Variants in NRDE2 observed in about 807,000 individuals in gnomAD.
NRDE2 encodes the protein NRDE-2, necessary for RNA interference, domain containing, also known as nuclear exosome regulator NRDE2.
NRDE2 carries 76 observed loss-of-function variants against 124.2 expected under a neutral mutation model. The observed-to-expected ratio is 0.61, with a 90% CI of 0.51 to 0.74. The LOEUF (loss-of-function observed/expected upper bound fraction) is 0.74, where lower values mean the gene tolerates loss of function less well. Ranked by LOEUF, NRDE2 falls within the 30% of genes least tolerant of loss-of-function variation. NRDE2 has a pLI of 0.00. For synonymous variants in NRDE2, 489 were observed against 528.1 expected, an observed-to-expected ratio of 0.93 and a Z score of 1.01; for missense variants, 1,314 against 1,417.3, an observed-to-expected ratio of 0.93 and a Z score of 1.17.
intron 8 of NRDE2, among the ~76,000 whole-genome samples, chr14:90,293,233 C>T (rs921603103): frequency 2.1e-5 from 3 of 142,724 alleles, no homozygotes; most frequent in African/African-American, 7.8e-5. Context: ...TGAGATGTAG[C>T]TAGTAAAGGA....
chr14:90,321,201 T>C (rs902118750), intron 1 of NRDE2, among the ~76,000 whole-genome samples: 1 of 152,208 alleles, frequency 6.6e-6, no homozygotes, highest in Non-Finnish European at 1.5e-5. Context: ...ATACAGTGTG[T>C]GACTCTTCAA....
At chr14:90,302,316 T>A (rs1884433160) in intron 6 of NRDE2, among the ~76,000 whole-genome samples, 2 of 152,186 alleles carry the variant, frequency 1.3e-5, no homozygotes, top group Admixed American at 1.3e-4. Context: ...GTTAACAGCA[T>A]AATAATACCC....
rs143419797 is a variant in NRDE2, at chr14:90,283,241, C to T, written c.3297+3113G>A. Among the ~76,000 whole-genome samples the T allele has an allele frequency of 6.7e-3, 1,020 of 152,298 alleles. 3 individuals carry two copies. The highest frequency in any genetic ancestry group is 0.014 in the Admixed American group (220 of 15,300). ...TCTCTGCTCTAATTAGTCCTTAGTTCCAATACTACCTTTCCAAAAAGAGAG... is the reference window on the plus strand; with the variant it reads ...TCTCTGCTCTAATTAGTCCTTAGTTTCAATACTACCTTTCCAAAAAGAGAG... On this transcript the variant is annotated intron_variant, in intron 12 of 13. Coordinates refer to ENST00000354366, the MANE Select transcript of NRDE2 (RefSeq NM_017970.4).
chr14:90,309,500 AC>A (rs1349277090), intron 4 of NRDE2, among the ~76,000 whole-genome samples: 1 of 150,612 alleles, frequency 6.6e-6, no homozygotes, highest in African/African-American at 2.4e-5. Context: ...AGAACCAAGA[AC>A]CCTACACTGT....
intron 6 of NRDE2, among the ~76,000 whole-genome samples, chr14:90,301,994 T>C (rs1884421686): frequency 6.6e-6 from 1 of 152,206 alleles, no homozygotes; most frequent in Non-Finnish European, 1.5e-5. Context: ...CCAACAGTAA[T>C]TAATACTCAA....
chr14:90,304,374 C>T lies in NRDE2; in HGVS notation c.566G>A (p.Arg189Lys). 6.3e-7 allele frequency: 1 copy of T among 1,594,832 alleles called. No homozygotes were observed. The highest frequency in any genetic ancestry group is 8.5e-7 in the Non-Finnish European group (1 of 1,171,924). Reference protein sequence around the residue: ...LYRGDIARYKRKGDSCLGINP... With the variant: ...LYRGDIARYKKKGDSCLGINP... ...AATGCCAAGGCAGGAGTCTCCTTTC[C>T]TCTTGTATCTGATATTAGAAAAAGA... Residue 189 changes from arginine (R) to lysine (K), a missense_variant, in exon 5 of 14, where the codon AGG becomes AAG. Transcript: ENST00000354366.
intron 8 of NRDE2, among the ~76,000 whole-genome samples, chr14:90,297,616 A>G (rs1010642765): frequency 6.6e-6 from 1 of 152,168 alleles, no homozygotes; most frequent in African/African-American, 2.4e-5. Flanking sequence ...CAGGATAACA[A>G]AAAGACTGTC....
At chr14:90,325,734 C>G (rs1205381549) in intron 1 of NRDE2, among the ~76,000 whole-genome samples, 3 of 152,100 alleles carry the variant, frequency 2.0e-5, no homozygotes, top group African/African-American at 7.2e-5. Context: ...GTCATGTTGC[C>G]CAGGCTGGTC....
chr14:90,328,605 C>T (rs73320605), intron 1 of NRDE2, among the ~76,000 whole-genome samples: 44,912 of 152,004 alleles, frequency 0.3, 6,724 homozygotes, highest in South Asian at 0.34. Flanking sequence ...AAACAGAGAA[C>T]GTTAGACAGG....
Position 90,269,142 on chromosome 14 carries a change from A to G in NRDE2, c.*9194T>C. The G allele has an allele frequency of 2.2e-6, 1 of 448,876 alleles. No homozygotes were observed. The allele number at this position is 448,876 out of a possible 1,614,324, so 27.8% of individuals were successfully genotyped here. ...GTATAAGGCTCTGCCTCATGCCTTTAGCCCTTTCCAAAAGGCCTCATCTCT... is the reference window on the plus strand; with the variant it reads ...GTATAAGGCTCTGCCTCATGCCTTTGGCCCTTTCCAAAAGGCCTCATCTCT... On this transcript the variant is annotated 3_prime_UTR_variant, in exon 14 of 14. Transcript: ENST00000354366.
chr14:90,286,489 T>A lies in NRDE2; in HGVS notation c.3162A>T (p.Leu1054Phe). 1 of 1,610,116 alleles carries A rather than the reference T, an allele frequency of 6.2e-7. No homozygotes were observed. The highest frequency in any genetic ancestry group is 8.5e-7 in the Non-Finnish European group (1 of 1,179,008). Residue 1054 changes from leucine to phenylalanine, a missense_variant, in exon 12 of 14, where the codon TTA (leucine) becomes TTT (phenylalanine). Coordinates refer to ENST00000354366, the MANE Select transcript of NRDE2 (RefSeq NM_017970.4). Reference protein sequence around the residue: ...RKRLVETVQRLDGREIHATIP... With the variant: ...RKRLVETVQRFDGREIHATIP... ...TTGTGGCGTGGATCTCTCTACCGTC[T>A]AACCTGCAAGGCAAAGGCTCACGTG... is the stretch of plus-strand genomic sequence containing the variant.
At chr14:90,306,169 C>T (rs1001283966) in intron 4 of NRDE2, among the ~76,000 whole-genome samples, 1 of 152,114 alleles carries the variant, frequency 6.6e-6, no homozygotes, top group African/African-American at 2.4e-5. Flanking sequence ...CTAATAAAAC[C>T]GGAAATGCCG....
chr14:90,288,806 T>G lies in NRDE2; in HGVS notation c.2569A>C (p.Ser857Arg). Residue 857 changes from serine (S) to arginine (R), a missense_variant, in exon 11 of 14, where the codon AGC (serine) becomes CGC (arginine). Transcript: ENST00000354366. The part of the protein sequence containing the change: ...VHILTKLTES[S>R]PYGPYTGQVL... ...TGTCCAGTGTAGGGCCCATAGGGGC[T>G]GCTCTCAGTCAGCTTGGTTAATATG... The G allele has an allele frequency of 1.2e-6, 2 of 1,614,138 alleles. No individual in the cohort carries two copies. Among genetic ancestry groups the G allele is most frequent in the Non-Finnish European group, 8.5e-7 (1 of 1,180,036 alleles).
chr14:90,292,903 C>A (rs1892312020), intron 8 of NRDE2, 31 bp from the exon 9 acceptor site: 1 of 1,594,978 alleles, frequency 6.3e-7, no homozygotes, highest in Non-Finnish European at 8.6e-7. Context: ...TTCACCTCAT[C>A]AGCAAATAAA....
In NRDE2 at chr14:90,301,272, G is replaced by A. The variant is rs1884390724; in HGVS notation, c.1512C>T (p.Pro504=). Residue 504 remains proline (P), a synonymous_variant, in exon 7 of 14, where the codon CCC becomes CCT. Coordinates refer to ENST00000354366, the MANE Select transcript of NRDE2 (RefSeq NM_017970.4). The part of the protein sequence containing the change: ...QAMVDFTFFK[P]DSVKDLPTKG... ...TGGTAGGCAGATCTTTCACGCTGTC[G>A]GGTTTGAAGAAGGTGAAGTCCACCA... 1.5e-5 allele frequency: 24 copies of A among 1,613,712 alleles called. No individual in the cohort carries two copies. Among genetic ancestry groups the A allele is most frequent in the East Asian group, 2.2e-5 (1 of 44,848 alleles).
At chr14:90,328,884 T>C (rs1885558664) in intron 1 of NRDE2, among the ~76,000 whole-genome samples, 2 of 152,212 alleles carry the variant, frequency 1.3e-5, no homozygotes, top group Non-Finnish European at 2.9e-5. Context: ...CTAAGGCATA[T>C]ATCCACAAAA....
chr14:90,301,197 A>G, intron 7 of NRDE2, 42 bp downstream of exon 7: 1 of 1,601,500 alleles, frequency 6.2e-7, no homozygotes, highest in Non-Finnish European at 8.5e-7. Flanking sequence ...CCTCCAGAGA[A>G]AGAGCCAGGA....
At chr14:90,289,193 C>T in intron 10 of NRDE2, 48 bp from the exon 11 acceptor site, 2 of 1,465,652 alleles carry the variant, frequency 1.4e-6, no homozygotes, top group Non-Finnish European at 1.9e-6. Context: ...GTAATTAAGG[C>T]GTCCTCTGCT....
intron 4 of NRDE2, among the ~76,000 whole-genome samples, chr14:90,311,424 G>A (rs1402418066): frequency 2.0e-5 from 3 of 152,038 alleles, no homozygotes. Flanking sequence ...TTGAATCATG[G>A]GGGCAGGTCT....
Sources: allele counts gnomAD v4.1 joint callset (sites outside exome capture counted in the v4.1 genomes callset), GRCh38; gene constraint gnomAD v4.1.1; transcripts MANE v1.5; gene names NCBI Gene and HGNC (gene_info 2026-07-23, HGNC 2026-07-21).